Variants in RAB31 observed in about 807,000 individuals in gnomAD.
The protein encoded by RAB31 is ras-related protein Rab-31.
A neutral mutation model predicts 25.6 loss-of-function variants in RAB31; 21 were observed. The ratio of observed to expected loss-of-function variants is 0.82; its 90% CI spans 0.58 to 1.18. RAB31 has a LOEUF of 1.18. Ranked by LOEUF, RAB31 falls within the 50% of genes most tolerant of loss-of-function variation. The pLI is 0.00. For synonymous variants in RAB31, 87 were observed against 84.0 expected (o/e 1.04, Z -0.20); for missense variants, 196 against 250.1 (o/e 0.78, Z 1.46).
intron 3 of RAB31, among the ~76,000 whole-genome samples, chr18:9,798,306 C>T (rs987777204): frequency 6.6e-6 from 1 of 151,788 alleles, no homozygotes; most frequent in Non-Finnish European, 1.5e-5. Context: ...TGTCTGGTGT[C>T]CCCTGGTGGA....
At chr18:9,804,895 G>A (rs555640601) in intron 3 of RAB31, among the ~76,000 whole-genome samples, 2 of 152,266 alleles carry the variant, frequency 1.3e-5, no homozygotes, top group Admixed American at 1.3e-4. Flanking sequence ...GTTTCCAGTT[G>A]TTGCTGTAAC....
chr18:9,796,632 A>G (rs1196934000), intron 3 of RAB31, among the ~76,000 whole-genome samples: 1 of 152,126 alleles, frequency 6.6e-6, no homozygotes, highest in East Asian at 1.9e-4. Flanking sequence ...CTTTCTAATG[A>G]CTTTAAACTT....
At chr18:9,825,625 C>T (rs369035161) in intron 5 of RAB31, among the ~76,000 whole-genome samples, 46 of 152,106 alleles carry the variant, frequency 3.0e-4, no homozygotes, top group Non-Finnish European at 6.0e-4. Flanking sequence ...GGGTCATTCT[C>T]GGAAAAGCAT....
chr18:9,732,112 A>G (rs977932790), intron 1 of RAB31, among the ~76,000 whole-genome samples: 1 of 151,976 alleles, frequency 6.6e-6, no homozygotes, highest in Non-Finnish European at 1.5e-5. Flanking sequence ...CAGCTCTGCC[A>G]CTCCTCTCCC....
chr18:9,729,506 G>C (rs1402515277), intron 1 of RAB31, among the ~76,000 whole-genome samples: 2 of 149,444 alleles, frequency 1.3e-5, no homozygotes, highest in Admixed American at 6.7e-5. Flanking sequence ...CAGCCTGGGG[G>C]ACAGAGTGAG....
At chr18:9,816,448 A>G (rs1378878184) in intron 5 of RAB31, among the ~76,000 whole-genome samples, 1 of 152,202 alleles carries the variant, frequency 6.6e-6, no homozygotes, top group Admixed American at 6.5e-5. Flanking sequence ...TACTAGCACA[A>G]TTTTACTAAC....
At chr18:9,838,241 C>T (rs1205573150) in intron 5 of RAB31, among the ~76,000 whole-genome samples, 1 of 152,136 alleles carries the variant, frequency 6.6e-6, no homozygotes, top group Non-Finnish European at 1.5e-5. Flanking sequence ...TGGAGACGAT[C>T]GCTTTCTTTC....
At chr18:9,711,652 T>A (rs2068017894) in intron 1 of RAB31, among the ~76,000 whole-genome samples, 1 of 152,236 alleles carries the variant, frequency 6.6e-6, no homozygotes, top group Admixed American at 6.5e-5. Flanking sequence ...GTCTGTCTTT[T>A]CTGGGTGAAG....
chr18:9,840,628 T>C (rs1470030403), intron 5 of RAB31, among the ~76,000 whole-genome samples: 1 of 152,234 alleles, frequency 6.6e-6, no homozygotes, highest in Non-Finnish European at 1.5e-5. Flanking sequence ...TATCTGACAC[T>C]AACTGGATGT....
At chr18:9,709,653 G>A (rs976990050) in intron 1 of RAB31, among the ~76,000 whole-genome samples, 3 of 152,184 alleles carry the variant, frequency 2.0e-5, no homozygotes, top group Non-Finnish European at 4.4e-5. Flanking sequence ...TCGATTGTCC[G>A]GTTGGCTTAG....
intron 3 of RAB31, among the ~76,000 whole-genome samples, chr18:9,807,545 C>G (rs933866785): frequency 6.6e-6 from 1 of 152,152 alleles, no homozygotes; most frequent in Non-Finnish European, 1.5e-5. Context: ...GGTACATGAG[C>G]TGACGTTCAC....
At chr18:9,805,474 C>T (rs1447271301) in intron 3 of RAB31, among the ~76,000 whole-genome samples, 2 of 152,138 alleles carry the variant, frequency 1.3e-5, no homozygotes, top group Non-Finnish European at 1.5e-5. Context: ...CTCTCCCACT[C>T]CCCTGCCTCT....
intron 2 of RAB31, among the ~76,000 whole-genome samples, chr18:9,786,161 AGAAAAGAAAAG>A (rs2068431711): frequency 7.5e-6 from 1 of 133,030 alleles, no homozygotes; most frequent in Non-Finnish European, 1.6e-5. Context: ...AAAGAAGGAA[AGAAAAGAAAAG>A]GAAAGAAAGA....
At chr18:9,820,289 A>G (rs988139908) in intron 5 of RAB31, among the ~76,000 whole-genome samples, 1 of 152,100 alleles carries the variant, frequency 6.6e-6, no homozygotes, top group African/African-American at 2.4e-5. Context: ...CTTTTTACAT[A>G]TGTAATTATA....
intron 3 of RAB31, among the ~76,000 whole-genome samples, chr18:9,813,804 A>G (rs1329369947): frequency 6.6e-6 from 1 of 152,164 alleles, no homozygotes; most frequent in Non-Finnish European, 1.5e-5. Context: ...GTGAGCCAAG[A>G]TTATGCCATT....
chr18:9,719,886 T>A (rs984687910), intron 1 of RAB31, among the ~76,000 whole-genome samples: 1 of 151,972 alleles, frequency 6.6e-6, no homozygotes, highest in African/African-American at 2.4e-5. Context: ...CCAAACTCCT[T>A]CCCGCCGTGC....
intron 1 of RAB31, among the ~76,000 whole-genome samples, chr18:9,717,916 T>C (rs913757327): frequency 2.6e-5 from 4 of 152,204 alleles, no homozygotes; most frequent in African/African-American, 9.7e-5. Flanking sequence ...TTATTTACTT[T>C]TTTTGAGACC....
intron 5 of RAB31, among the ~76,000 whole-genome samples, chr18:9,826,714 C>T (rs750941008): frequency 5.9e-5 from 9 of 152,302 alleles, no homozygotes; most frequent in East Asian, 3.9e-4. Flanking sequence ...CTGGATGGTT[C>T]GACTCCCTTA....
chr18:9,806,785 C>T (rs2068544069), intron 3 of RAB31, among the ~76,000 whole-genome samples: 2 of 152,064 alleles, frequency 1.3e-5, no homozygotes, highest in Admixed American at 1.3e-4. Flanking sequence ...GGAGGTGAGA[C>T]GAGGTAGAAA....
Sources: gnomAD v4.1 joint callset for allele counts (sites outside exome capture counted in the v4.1 genomes callset) on GRCh38, gnomAD v4.1.1 for gene constraint, MANE v1.5 for transcripts, NCBI Gene and HGNC (gene_info 2026-07-23, HGNC 2026-07-21) for gene names.